Variants in CYB5B observed in about 807,000 individuals in gnomAD.
The protein encoded by CYB5B is cytochrome b5 type B.
CYB5B carries 14 observed loss-of-function variants against 21.3 expected under a neutral mutation model. The observed-to-expected ratio is 0.66, with a 90% CI of 0.43 to 1.03. The LOEUF is 1.03. CYB5B is among the 50% of genes least tolerant of loss of function. The pLI, the probability that CYB5B is intolerant of heterozygous loss-of-function variation, is 0.00. For synonymous variants in CYB5B, 69 were observed against 68.4 expected (o/e 1.01, Z -0.04); for missense variants, 166 against 185.1 (o/e 0.90, Z 0.60).
chr16:69,442,959 T>A (rs906355419), intron 1 of CYB5B, among the ~76,000 whole-genome samples: 3 of 151,934 alleles, frequency 2.0e-5, no homozygotes, highest in African/African-American at 7.3e-5. Flanking sequence ...TTTTTAAAAA[T>A]TTTTTTTGTG....
At chr16:69,459,503 T>A (rs969393211) in intron 4 of CYB5B, 8 of 172,362 alleles carry the variant, frequency 4.6e-5, no homozygotes, top group Non-Finnish European at 9.8e-5. Context: ...AACCACTCTG[T>A]AAGGTAAGTG....
At chr16:69,429,334 C>T (rs1207304003) in intron 1 of CYB5B, among the ~76,000 whole-genome samples, 1 of 152,114 alleles carries the variant, frequency 6.6e-6, no homozygotes, top group Admixed American at 6.5e-5. Flanking sequence ...AGCTTTTATT[C>T]CCTTATTTGT....
At chr16:69,452,628 C>G (rs1049184458) in intron 3 of CYB5B, among the ~76,000 whole-genome samples, 1 of 152,084 alleles carries the variant, frequency 6.6e-6, no homozygotes, top group African/African-American at 2.4e-5. Flanking sequence ...CAAGATTGTG[C>G]CAGTGCACTC....
At chr16:69,451,993 T>C (rs1459994396) in intron 3 of CYB5B, among the ~76,000 whole-genome samples, 2 of 150,934 alleles carry the variant, frequency 1.3e-5, no homozygotes, top group African/African-American at 2.4e-5. Flanking sequence ...CTGAGACTTT[T>C]AGTTCCCCTT....
Position 69,459,116 on chromosome 16 carries a change from CA to C in CYB5B, c.361del (p.Ser121ValfsTer11). On this transcript the variant is annotated frameshift_variant, in exon 4 of 5. Transcript: ENST00000307892. LOFTEE classifies it high-confidence loss of function. The part of the protein sequence containing the change: ...SKDPSKNDTC[K>X]SCWAYWILPI... ...AGGACCCTTCAAAAAATGATACATG[CA>C]AAAGGTTAGTATCTCCTTAACAGCT... 1 of 1,601,342 alleles carries C rather than the reference CA, an allele frequency of 6.2e-7. No individual in the cohort carries two copies. The highest frequency in any genetic ancestry group is 8.5e-7 in the Non-Finnish European group (1 of 1,175,918).
chr16:69,459,145 C>G (rs1285668365), intron 4 of CYB5B, 24 bp downstream of exon 4: 3 of 1,601,786 alleles, frequency 1.9e-6, no homozygotes, highest in Non-Finnish European at 1.7e-6. Flanking sequence ...TAACAGCTTT[C>G]CATACGTTCA....
intron 3 of CYB5B, among the ~76,000 whole-genome samples, chr16:69,455,850 A>T (rs2014979251): frequency 6.6e-6 from 1 of 152,178 alleles, no homozygotes; most frequent in South Asian, 2.1e-4. Flanking sequence ...CTTCCTAGAC[A>T]TAAGAGAATG....
intron 1 of CYB5B, among the ~76,000 whole-genome samples, chr16:69,429,088 T>C (rs1567469810): frequency 6.6e-6 from 1 of 152,140 alleles, no homozygotes; most frequent in African/African-American, 2.4e-5. Context: ...CTGACTACAT[T>C]GTTGTGAAAG....
chr16:69,442,065 G>A (rs566916493), intron 1 of CYB5B, among the ~76,000 whole-genome samples: 36 of 152,068 alleles, frequency 2.4e-4, no homozygotes, highest in African/African-American at 8.4e-4. Flanking sequence ...TAAATTTTTG[G>A]TAATGAAAAT....
At chr16:69,445,762 G>A (rs76924143) in intron 1 of CYB5B, among the ~76,000 whole-genome samples, 4,219 of 152,086 alleles carry the variant, frequency 0.028, 87 homozygotes, top group East Asian at 0.063. Flanking sequence ...TTGGGAGTTC[G>A]AGACCAACAT....
intron 1 of CYB5B, chr16:69,444,143 A>C (rs1202188771): frequency 6.3e-6 from 1 of 157,500 alleles, no homozygotes; most frequent in African/African-American, 2.4e-5. Context: ...TTAGGACTTA[A>C]CTGTCAGATA....
intron 1 of CYB5B, among the ~76,000 whole-genome samples, chr16:69,427,069 G>C (rs1420467636): frequency 7.2e-5 from 11 of 151,976 alleles, no homozygotes; most frequent in African/African-American, 1.2e-4. Context: ...GCGAAACCTC[G>C]TCTCTACTAA....
chr16:69,439,458 G>A (rs1212191959), intron 1 of CYB5B, among the ~76,000 whole-genome samples: 1 of 152,078 alleles, frequency 6.6e-6, no homozygotes, highest in South Asian at 2.1e-4. Context: ...ATCCGCCCAC[G>A]TTGGCCTCCC....
At chr16:69,436,104 G>C (rs72797181) in intron 1 of CYB5B, among the ~76,000 whole-genome samples, 1 of 152,152 alleles carries the variant, frequency 6.6e-6, no homozygotes, top group Admixed American at 6.5e-5. Context: ...CATTTTGCCC[G>C]GGGGCATGGC....
At chr16:69,447,971 G>GTAT in intron 2 of CYB5B, 144 bp from the exon 3 acceptor site, 2 of 778,004 alleles carry the variant, frequency 2.6e-6, no homozygotes, top group Non-Finnish European at 2.1e-6. Context: ...CAGAGTAGAG[G>GTAT]TATCTTTCTA....
At chr16:69,440,742 T>TTGTGTGTGTGTGTGTGTG (rs1555509697) in intron 1 of CYB5B, among the ~76,000 whole-genome samples, 22 of 30,078 alleles carry the variant, frequency 7.3e-4, no homozygotes, top group African/African-American at 5.8e-3. Context: ...GCCGTGTGTG[T>TTGTGTGTGTGTGTGTGTG]TGCGTGTGTG....
At chr16:69,447,029 C>A in intron 1 of CYB5B, 121 bp from the exon 2 acceptor site, 3 of 1,208,686 alleles carry the variant, frequency 2.5e-6, no homozygotes, top group Non-Finnish European at 3.5e-6. Flanking sequence ...AGGCACCACA[C>A]AATGTCAATT....
chr16:69,437,765 C>G (rs2142813622), intron 1 of CYB5B, among the ~76,000 whole-genome samples: 1 of 152,248 alleles, frequency 6.6e-6, no homozygotes, highest in South Asian at 2.1e-4. Context: ...CAAGCCATAA[C>G]TCCGTATTCC....
At chr16:69,452,531 A>C (rs1286160889) in intron 3 of CYB5B, among the ~76,000 whole-genome samples, 1 of 151,980 alleles carries the variant, frequency 6.6e-6, no homozygotes, top group African/African-American at 2.4e-5. Context: ...AAATACAAAA[A>C]TTAGCTGGGA....
Sources: gnomAD v4.1 joint callset for allele counts (sites outside exome capture counted in the v4.1 genomes callset) on GRCh38, gnomAD v4.1.1 for gene constraint, MANE v1.5 for transcripts, NCBI Gene and HGNC (gene_info 2026-07-23, HGNC 2026-07-21) for gene names.